The following NELL1 variants were observed in gnomAD, a reference collection of about 807,000 sequenced individuals.
The protein encoded by NELL1 is neural EGFL like 1.
Under a neutral mutation model 107.4 loss-of-function variants are expected in NELL1, and 76 were observed. The observed-to-expected ratio is 0.71, with a 90% confidence interval of 0.59 to 0.86. The LOEUF (loss-of-function observed/expected upper bound fraction) is 0.86. Among genes scored for constraint, NELL1 ranks in the 40% least tolerant of loss-of-function variants. The pLI is 0.00. For missense variants in NELL1, 1,024 were observed against 1,005.5 expected, an observed-to-expected ratio of 1.02 and a Z score of -0.25; for synonymous variants, 353 against 341.2, an observed-to-expected ratio of 1.03 and a Z score of -0.38.
intron 15 of NELL1, among the ~76,000 whole-genome samples, chr11:21,515,677 G>T (rs1855542832): frequency 6.6e-6 from 1 of 150,410 alleles, no homozygotes; most frequent in East Asian, 1.9e-4. Context: ...ATCCATTACG[G>T]TTCCATGCTG....
At chr11:20,932,771 G>T (rs1264866019) in intron 9 of NELL1, among the ~76,000 whole-genome samples, 1 of 152,210 alleles carries the variant, frequency 6.6e-6, no homozygotes, top group Non-Finnish European at 1.5e-5. Flanking sequence ...AACCCAGTGG[G>T]ATGCTCTTGA....
chr11:21,527,311 G>A (rs995133483), intron 15 of NELL1, among the ~76,000 whole-genome samples: 1 of 152,066 alleles, frequency 6.6e-6, no homozygotes, highest in South Asian at 2.1e-4. Context: ...CAGTCTCTAG[G>A]AAGTTTCAAA....
chr11:21,562,934 A>G (rs75543398), intron 17 of NELL1, among the ~76,000 whole-genome samples: 1,921 of 152,196 alleles, frequency 0.013, 39 homozygotes, highest in East Asian at 0.079. Flanking sequence ...AAACATGTCC[A>G]CAGATGAATA....
At chr11:21,563,031 TG>T (rs1449733590) in intron 17 of NELL1, among the ~76,000 whole-genome samples, 1 of 152,070 alleles carries the variant, frequency 6.6e-6, no homozygotes, top group Non-Finnish European at 1.5e-5. Context: ...ACAATGTTTT[TG>T]TGCATCTTTA....
At chr11:20,806,621 C>T (rs994115961) in intron 3 of NELL1, among the ~76,000 whole-genome samples, 1 of 152,120 alleles carries the variant, frequency 6.6e-6, no homozygotes, top group Non-Finnish European at 1.5e-5. Context: ...TTTGAGTAAA[C>T]TTTCTCCCCC....
intron 15 of NELL1, among the ~76,000 whole-genome samples, chr11:21,426,392 A>T (rs1852823149): frequency 6.6e-6 from 1 of 152,232 alleles, no homozygotes; most frequent in Non-Finnish European, 1.5e-5. Context: ...CTGAAAAATG[A>T]ATGAATGCAT....
chr11:21,572,021 C>T (rs1857110980), intron 18 of NELL1, among the ~76,000 whole-genome samples: 1 of 151,776 alleles, frequency 6.6e-6, no homozygotes. Flanking sequence ...CAGAATATGT[C>T]TTTCTTAATC....
chr11:20,694,011 C>G lies in NELL1; in HGVS notation c.184+15951C>G, dbSNP rs568914678. On this transcript the variant is annotated intron_variant, in intron 2 of 19. Coordinates refer to ENST00000357134, the MANE Select transcript of NELL1 (RefSeq NM_006157.5). ...TTTTTATTCTTTTTTCTCTAAACTT[C>G]CCTTCTCGCTTCATTTCATTCGTTT... is the stretch of plus-strand genomic sequence containing the variant. 4.2e-4 allele frequency among the ~76,000 whole-genome samples: 64 copies of G among 152,148 alleles called. 1 individual carries two copies. Among genetic ancestry groups the G allele is most frequent in the Non-Finnish European group, 4.6e-4 (31 of 67,976 alleles).
chr11:20,896,029 T>G lies in NELL1; in HGVS notation c.603+10489T>G, dbSNP rs1402967103. Among the ~76,000 whole-genome samples, 3 of 152,300 alleles carry G rather than the reference T, an allele frequency of 2.0e-5. No individual in the cohort carries two copies. In the South Asian group the frequency reaches 6.2e-4, roughly 32 times the overall value. ...AGTTTTTGGGGCACAGGTGGTTTTT[T>G]GTTACATAGATAAATTCTTTAGTGG... On this transcript the variant is annotated intron_variant, in intron 5 of 19. Coordinates refer to ENST00000357134, the MANE Select transcript of NELL1 (RefSeq NM_006157.5).
In NELL1 at chr11:20,743,130, A is replaced by C. The variant is rs1692536515; in HGVS notation, c.185-40550A>C. 2.0e-5 allele frequency among the ~76,000 whole-genome samples: 3 copies of C among 152,116 alleles called. No homozygotes were observed. In the South Asian group the frequency reaches 6.2e-4, roughly 32 times the overall value. ...CACTTTGGGAGGCCTAGGCAGGTGT[A>C]TCACTTAAGGTCAGGAGTTCGAGAT... On this transcript the variant is annotated intron_variant, in intron 2 of 19. Transcript: ENST00000357134.
At chr11:21,460,253 T>C (rs561148261) in intron 15 of NELL1, among the ~76,000 whole-genome samples, 3 of 152,034 alleles carry the variant, frequency 2.0e-5, no homozygotes, top group Non-Finnish European at 4.4e-5. Flanking sequence ...TTGGAAGAAC[T>C]AGTGTTCAGT....
chr11:21,282,208 C>T (rs777841262), intron 14 of NELL1, among the ~76,000 whole-genome samples: 1 of 151,980 alleles, frequency 6.6e-6, no homozygotes, highest in Non-Finnish European at 1.5e-5. Context: ...AGACGTTTCT[C>T]AAAAGAAGAC....
At chr11:20,740,828 G>A (rs1453064335) in intron 2 of NELL1, among the ~76,000 whole-genome samples, 1 of 151,404 alleles carries the variant, frequency 6.6e-6, no homozygotes, top group African/African-American at 2.4e-5. Flanking sequence ...ATCTTGCTAT[G>A]TTGCCTAGGC....
At chr11:21,330,844 A>G (rs1031186178) in intron 14 of NELL1, among the ~76,000 whole-genome samples, 1 of 151,958 alleles carries the variant, frequency 6.6e-6, no homozygotes, top group Admixed American at 6.6e-5. Flanking sequence ...TGGCACCCCA[A>G]TTTTGCATAT....
chr11:20,775,079 G>A (rs1338437007), intron 2 of NELL1, among the ~76,000 whole-genome samples: 1 of 152,088 alleles, frequency 6.6e-6, no homozygotes, highest in Non-Finnish European at 1.5e-5. Flanking sequence ...TTTCTATGAT[G>A]AGCTCATATA....
intron 14 of NELL1, among the ~76,000 whole-genome samples, chr11:21,335,107 A>G (rs1482127277): frequency 6.6e-6 from 1 of 152,052 alleles, no homozygotes; most frequent in Non-Finnish European, 1.5e-5. Flanking sequence ...TACCCTTTAA[A>G]ACTCATAATA....
intron 4 of NELL1, among the ~76,000 whole-genome samples, chr11:20,857,201 G>A (rs149576547): frequency 7.2e-5 from 11 of 152,210 alleles, no homozygotes; most frequent in East Asian, 3.9e-4. Flanking sequence ...GCATGGGAGC[G>A]GCAGGAGCTG....
intron 15 of NELL1, among the ~76,000 whole-genome samples, chr11:21,486,555 CA>C (rs1468039434): frequency 2.0e-5 from 3 of 151,860 alleles, no homozygotes; most frequent in Non-Finnish European, 4.4e-5. Context: ...ATAAGGAAAC[CA>C]AAAACATGGA....
At chr11:21,161,593 G>A (rs905927278) in intron 13 of NELL1, among the ~76,000 whole-genome samples, 13 of 152,066 alleles carry the variant, frequency 8.5e-5, no homozygotes, top group Non-Finnish European at 1.8e-4. Flanking sequence ...TGTCCCATCA[G>A]GTTCTGTAAG....
Sources: gnomAD v4.1 joint callset for allele counts (sites outside exome capture counted in the v4.1 genomes callset) on GRCh38, gnomAD v4.1.1 for gene constraint, MANE v1.5 for transcripts, NCBI Gene and HGNC (gene_info 2026-07-23, HGNC 2026-07-21) for gene names.